Variants in NDUFAF1 observed in about 807,000 individuals in gnomAD.
NDUFAF1 encodes NADH:ubiquinone oxidoreductase complex assembly factor 1, also known as complex I intermediate-associated protein 30, mitochondrial.
NDUFAF1 carries 18 observed loss-of-function variants against 28.7 expected under a neutral mutation model. The observed-to-expected ratio is 0.63, with a 90% CI of 0.43 to 0.93. NDUFAF1 has a LOEUF of 0.93. NDUFAF1 is among the 40% of genes least tolerant of loss of function. The probability of loss-of-function intolerance (pLI) is 0.00; values close to 1 mark genes in which losing one functional copy is unlikely to be tolerated. For missense variants in NDUFAF1, 404 were observed against 398.3 expected, an observed-to-expected ratio of 1.01 and a Z score of -0.12; for synonymous variants, 113 against 139.7, an observed-to-expected ratio of 0.81 and a Z score of 1.35.
Position 41,402,328 on chromosome 15 carries a change from T to G in NDUFAF1, c.-266A>C, listed in dbSNP as rs1373138331. The G allele has an allele frequency of 2.2e-6, 1 of 454,110 alleles. No individual in the cohort carries two copies. Among genetic ancestry groups the G allele is most frequent in the Admixed American group, 2.3e-5 (1 of 42,558 alleles). 28.1% of individuals were successfully genotyped at this position (454,110 alleles called of 1,614,324 possible). A position where few individuals can be genotyped will look rare whatever the true frequency, so the allele number is the denominator to read the frequency against. On this transcript the variant is annotated 5_prime_UTR_variant, in exon 1 of 5. Coordinates refer to ENST00000260361, the MANE Select transcript of NDUFAF1 (RefSeq NM_016013.4). ...GCGTATACCTCCCGCACTCACGGCC[T>G]GGCCTCCGGAGGCTAGACGGTTCGC...
rs1595413734 is a variant in NDUFAF1, at chr15:41,402,309, A to G, written c.-247T>C. ...GCAAAATTCTTCCGCCTTGGCGTATACCTCCCGCACTCACGGCCTGGCCTC... is the reference window on the plus strand; with the variant it reads ...GCAAAATTCTTCCGCCTTGGCGTATGCCTCCCGCACTCACGGCCTGGCCTC... On this transcript the variant is annotated 5_prime_UTR_variant, in exon 1 of 5. Coordinates refer to ENST00000260361, the MANE Select transcript of NDUFAF1 (RefSeq NM_016013.4). 1 of 453,858 alleles carries G rather than the reference A, an allele frequency of 2.2e-6. No homozygotes were observed. Among genetic ancestry groups the G allele is most frequent in the Non-Finnish European group, 4.4e-6 (1 of 226,780 alleles). 28.1% of individuals were successfully genotyped at this position (453,858 alleles called of 1,614,324 possible).
intron 3 of NDUFAF1, among the ~76,000 whole-genome samples, chr15:41,393,052 G>C (rs2050333747): frequency 6.6e-6 from 1 of 151,992 alleles, no homozygotes; most frequent in African/African-American, 2.4e-5. Flanking sequence ...CTGGATGTGG[G>C]GCAAAGGAGA....
Position 41,397,096 on chromosome 15 carries a change from C to G in NDUFAF1, c.-37G>C. ...ATCAAAATGTAAGTTTCTTCCTGGG[C>G]TAGCAAGGGCCACCAAGAAGCTTCA... On this transcript the variant is annotated 5_prime_UTR_variant, in exon 2 of 5. It removes the in-frame stop codon of an upstream open reading frame in the 5' UTR. Coordinates refer to ENST00000260361, the MANE Select transcript of NDUFAF1 (RefSeq NM_016013.4). The G allele has an allele frequency of 6.3e-7, 1 of 1,584,954 alleles. No homozygotes were observed. The highest frequency in any genetic ancestry group is 8.6e-7 in the Non-Finnish European group (1 of 1,156,978).
intron 4 of NDUFAF1, among the ~76,000 whole-genome samples, chr15:41,388,088 T>G (rs987941263): frequency 6.6e-6 from 1 of 151,890 alleles, no homozygotes; most frequent in Non-Finnish European, 1.5e-5. Flanking sequence ...CCAGCCTGAG[T>G]GACAAAGCAA....
chr15:41,392,574 A>T (rs1223920356), intron 3 of NDUFAF1, among the ~76,000 whole-genome samples: 1 of 152,094 alleles, frequency 6.6e-6, no homozygotes, highest in East Asian at 1.9e-4. Flanking sequence ...TGATGGTTTT[A>T]TAAGGAGATT....
chr15:41,393,982 T>C (rs1004507798), intron 3 of NDUFAF1: 3 of 285,330 alleles, frequency 1.1e-5, no homozygotes, highest in African/African-American at 6.8e-5. Flanking sequence ...GTGCTGGGAT[T>C]ACAGACATGA....
At chr15:41,401,130 TTTTG>T (rs1007981244) in intron 1 of NDUFAF1, among the ~76,000 whole-genome samples, 2 of 149,576 alleles carry the variant, frequency 1.3e-5, no homozygotes, top group African/African-American at 4.9e-5. Flanking sequence ...TAATTTTTGT[TTTTG>T]TTTTTGTTTT....
chr15:41,392,302 G>A (rs2050326256), intron 3 of NDUFAF1, among the ~76,000 whole-genome samples: 1 of 151,988 alleles, frequency 6.6e-6, no homozygotes, highest in Admixed American at 6.6e-5. Context: ...TCAAACTCCT[G>A]ACCTCAAGTG....
At chr15:41,394,668 C>T (rs1284543841) in intron 3 of NDUFAF1, among the ~76,000 whole-genome samples, 191 bp downstream of exon 3, 1 of 113,830 alleles carries the variant, frequency 8.8e-6, no homozygotes, top group African/African-American at 3.4e-5. Context: ...TCATCTCACT[C>T]TGTTGCCCAG....
At chr15:41,390,090 A>T (rs1390942507) in intron 3 of NDUFAF1, among the ~76,000 whole-genome samples, 2 of 152,064 alleles carry the variant, frequency 1.3e-5, no homozygotes, top group African/African-American at 4.8e-5. Flanking sequence ...CAGCCTCCTG[A>T]GTAGGTGGGA....
chr15:41,400,915 T>TA (rs2050454020), intron 1 of NDUFAF1, among the ~76,000 whole-genome samples: 1 of 151,784 alleles, frequency 6.6e-6, no homozygotes, highest in Non-Finnish European at 1.5e-5. Flanking sequence ...ACAAGTCAGA[T>TA]ACGTATTTCC....
At chr15:41,401,207 A>T (rs1037846514) in intron 1 of NDUFAF1, among the ~76,000 whole-genome samples, 1 of 149,488 alleles carries the variant, frequency 6.7e-6, no homozygotes, top group African/African-American at 2.5e-5. Context: ...ACCTCAGGTG[A>T]TCCGCCTACA....
chr15:41,399,990 T>C (rs1353747928), intron 1 of NDUFAF1, among the ~76,000 whole-genome samples: 1 of 142,926 alleles, frequency 7.0e-6, no homozygotes, highest in Non-Finnish European at 1.5e-5. Context: ...AACCCAGGAG[T>C]GGGACGCTGC....
chr15:41,394,452 C>G, intron 3 of NDUFAF1: 2 of 1,040,124 alleles, frequency 1.9e-6, no homozygotes, highest in South Asian at 2.6e-5. Flanking sequence ...TTAGCATGGA[C>G]CTGGCCACAT....
chr15:41,394,910 C>T lies in NDUFAF1; in HGVS notation c.708G>A (p.Met236Ile), dbSNP rs150539399. The T allele has an allele frequency of 1.7e-3, 2,816 of 1,614,146 alleles. 6 individuals carry two copies. Among genetic ancestry groups the T allele is most frequent in the Non-Finnish European group, 2.2e-3 (2,654 of 1,180,028 alleles). ...DTDFFQRTNQMYSYFMFTRGG... is the reference protein window; with the variant it reads ...DTDFFQRTNQIYSYFMFTRGG... The stretch of plus-strand genomic sequence containing the variant: ...CGCGGGTGAACATGAAGTAACTATA[C>T]ATCTGATTCGTCCTCTGGAAGAAAT... The change falls in exon 3 of 5, where the codon ATG becomes ATA. Residue 236 changes from methionine to isoleucine, a missense_variant. Transcript: ENST00000260361.
chr15:41,392,127 C>T (rs1444094251), intron 3 of NDUFAF1, among the ~76,000 whole-genome samples: 1 of 141,550 alleles, frequency 7.1e-6, no homozygotes, highest in Non-Finnish European at 1.5e-5. Flanking sequence ...GGGTGGAGTA[C>T]AGTGGCGCGA....
At chr15:41,390,666 AG>A (rs1595630949) in intron 3 of NDUFAF1, among the ~76,000 whole-genome samples, 2 of 151,584 alleles carry the variant, frequency 1.3e-5, no homozygotes, top group East Asian at 3.9e-4. Flanking sequence ...CGGAGCTTGC[AG>A]TGAGCAGAGA....
Position 41,387,487 on chromosome 15 carries a change from G to T in NDUFAF1, c.941C>A (p.Ala314Asp), listed in dbSNP as rs12900702. The change falls in exon 5 of 5, where the codon GCC (alanine) becomes GAC (aspartate). Residue 314 changes from alanine (A) to aspartate (D), a missense_variant. Ala to Asp is a moderately radical substitution (Grantham distance 126). Transcript: ENST00000260361. ...FTDPAHTEEF[A>D]YENSPELNPR... ...GTTAAGCTCTGGAGAATTTTCATAG[G>T]CAAATTCTTCTGTATGAGCTGGATC... 1 of 1,613,170 alleles carries T rather than the reference G, an allele frequency of 6.2e-7. No homozygotes were observed. The highest frequency in any genetic ancestry group is 1.1e-5 in the South Asian group (1 of 91,068).
At chr15:41,393,198 T>C (rs1224905712) in intron 3 of NDUFAF1, among the ~76,000 whole-genome samples, 1 of 149,832 alleles carries the variant, frequency 6.7e-6, no homozygotes, top group Admixed American at 6.7e-5. Flanking sequence ...GGTCTCAGCT[T>C]ACTGCAACCT....
Sources: gnomAD v4.1 joint callset for allele counts (sites outside exome capture counted in the v4.1 genomes callset) on GRCh38, gnomAD v4.1.1 for gene constraint, MANE v1.5 for transcripts, NCBI Gene and HGNC (gene_info 2026-07-23, HGNC 2026-07-21) for gene names.